Variants in NXPE2 observed in about 807,000 individuals in gnomAD.
NXPE2 encodes the protein neurexophilin and PC-esterase domain family member 2, also known as NXPE family member 2.
In NXPE2, 34 loss-of-function variants were observed where a neutral mutation model predicts 34.4. That is an observed-to-expected ratio of 0.99 (90% CI 0.75 to 1.31). The LOEUF is 1.31. Among genes scored for constraint, NXPE2 ranks in the 40% most tolerant of loss-of-function variants. NXPE2 has a pLI of 0.00. For missense variants in NXPE2, 649 were observed against 672.5 expected (o/e 0.97, Z 0.39); for synonymous variants, 235 against 231.3 (o/e 1.02, Z -0.15).
At chr11:114,616,082 C>A in the NXPE2 span, among the ~76,000 whole-genome samples, 2 of 151,622 alleles carry the variant, frequency 1.3e-5, no homozygotes, top group African/African-American at 4.9e-5. Flanking sequence ...AACACTGTTA[C>A]CTGCTGCATA....
the NXPE2 span, among the ~76,000 whole-genome samples, chr11:114,724,068 G>A: frequency 6.6e-6 from 1 of 152,134 alleles, no homozygotes; most frequent in Non-Finnish European, 1.5e-5. Flanking sequence ...AAAATATAAT[G>A]TCAAACTTGT....
At chr11:114,647,635 TG>T in the NXPE2 span, among the ~76,000 whole-genome samples, 2 of 152,128 alleles carry the variant, frequency 1.3e-5, no homozygotes, top group African/African-American at 4.8e-5. Flanking sequence ...GGATTATATA[TG>T]GTTATTTATT....
the NXPE2 span, among the ~76,000 whole-genome samples, chr11:114,672,024 A>C: frequency 6.6e-6 from 1 of 152,032 alleles, no homozygotes; most frequent in Non-Finnish European, 1.5e-5. Flanking sequence ...AAGGGAAGCA[A>C]GCACATCTTC....
At chr11:114,534,711 G>A in the NXPE2 span, among the ~76,000 whole-genome samples, 2 of 152,146 alleles carry the variant, frequency 1.3e-5, no homozygotes, top group Non-Finnish European at 2.9e-5. Context: ...TGAATGAAAT[G>A]AAGCATGAAG....
the NXPE2 span, among the ~76,000 whole-genome samples, chr11:114,475,069 A>C: frequency 6.6e-6 from 1 of 152,074 alleles, no homozygotes; most frequent in East Asian, 1.9e-4. Flanking sequence ...TTTTATTCTA[A>C]AAAACTTAGG....
the NXPE2 span, among the ~76,000 whole-genome samples, chr11:114,771,354 A>G: frequency 9.4e-5 from 14 of 149,692 alleles, no homozygotes; most frequent in Non-Finnish European, 1.8e-4. Context: ...CAGCACAAGG[A>G]TATTCAAAGT....
At chr11:114,740,613 A>G in the NXPE2 span, among the ~76,000 whole-genome samples, 1 of 151,960 alleles carries the variant, frequency 6.6e-6, no homozygotes, top group South Asian at 2.1e-4. Context: ...CCATTTTTCC[A>G]TGTGTGATTA....
the NXPE2 span, among the ~76,000 whole-genome samples, chr11:114,760,004 A>AT: frequency 3.0e-4 from 45 of 150,520 alleles, no homozygotes; most frequent in East Asian, 3.7e-3. Context: ...AACACCCTTG[A>AT]TTTTTTTTTT....
the NXPE2 span, among the ~76,000 whole-genome samples, chr11:114,753,352 T>C: frequency 6.6e-6 from 1 of 152,104 alleles, no homozygotes; most frequent in Admixed American, 6.5e-5. Context: ...GTGATTGCTC[T>C]ACTGCACGTC....
chr11:114,636,791 C>T, the NXPE2 span, among the ~76,000 whole-genome samples: 9 of 152,188 alleles, frequency 5.9e-5, no homozygotes, highest in Admixed American at 2.0e-4. Flanking sequence ...GTTTCTTAAT[C>T]CTGAGTTCTA....
chr11:114,664,088 G>A, the NXPE2 span, among the ~76,000 whole-genome samples: 1 of 152,096 alleles, frequency 6.6e-6, no homozygotes, highest in Non-Finnish European at 1.5e-5. Flanking sequence ...ATTTATAGAG[G>A]TTTTATTCAC....
At chr11:114,634,567 G>A in the NXPE2 span, among the ~76,000 whole-genome samples, 2 of 151,906 alleles carry the variant, frequency 1.3e-5, no homozygotes, top group South Asian at 2.1e-4. Context: ...GTATTGCCTA[G>A]GTTTTCTTCT....
At chr11:114,629,187 T>C in the NXPE2 span, among the ~76,000 whole-genome samples, 19 of 152,024 alleles carry the variant, frequency 1.2e-4, 1 homozygote, top group Non-Finnish European at 1.9e-4. Context: ...CCAGCATCAT[T>C]CTGATACCAA....
the NXPE2 span, among the ~76,000 whole-genome samples, chr11:114,643,887 A>G: frequency 1.3e-5 from 2 of 152,136 alleles, no homozygotes; most frequent in African/African-American, 2.4e-5. Flanking sequence ...AATTCTTCCT[A>G]TTCATGAGCA....
At chr11:114,468,211 A>C in the NXPE2 span, among the ~76,000 whole-genome samples, 2 of 152,058 alleles carry the variant, frequency 1.3e-5, no homozygotes, top group South Asian at 4.2e-4. Context: ...TGCATTCAAC[A>C]CCATTCTGGG....
chr11:114,528,669 G>A, the NXPE2 span: 1 of 452,302 alleles, frequency 2.2e-6, no homozygotes, highest in Non-Finnish European at 4.0e-6. Flanking sequence ...CACTCTTCCT[G>A]CTTGAAAGCT....
chr11:114,491,398 A>G, the NXPE2 span, among the ~76,000 whole-genome samples: 1 of 152,132 alleles, frequency 6.6e-6, no homozygotes. Context: ...AGCCAAAAAC[A>G]CATGAAAAAA....
At chr11:114,713,019 C>A in the NXPE2 span, among the ~76,000 whole-genome samples, 9 of 152,046 alleles carry the variant, frequency 5.9e-5, no homozygotes, top group Non-Finnish European at 1.2e-4. Context: ...GTGGAAGAAG[C>A]CAGTGACAAA....
chr11:114,705,225 A>T (rs2135573642), intron 4 of NXPE2, among the ~76,000 whole-genome samples: 1 of 152,304 alleles, frequency 6.6e-6, no homozygotes, highest in East Asian at 1.9e-4. Context: ...TCACACTGAG[A>T]ATATTACATT....
Sources: allele counts gnomAD v4.1 joint callset (sites outside exome capture counted in the v4.1 genomes callset), GRCh38; gene constraint gnomAD v4.1.1; transcripts MANE v1.5; gene names NCBI Gene and HGNC (gene_info 2026-07-23, HGNC 2026-07-21).